The following NLRP10 variants were observed in gnomAD, a reference collection of about 807,000 sequenced individuals.
The protein encoded by NLRP10 is NACHT, LRR and PYD domains-containing protein 10.
NLRP10 carries 7 observed loss-of-function variants against 8.2 expected under a neutral mutation model. The ratio of observed to expected loss-of-function variants is 0.85; its 90% confidence interval spans 0.48 to 1.60. NLRP10 has a LOEUF of 1.60. Among genes scored for constraint, NLRP10 ranks in the 40% most tolerant of loss-of-function variants. The probability of loss-of-function intolerance (pLI) is 0.00; values close to 1 mark genes in which losing one functional copy is unlikely to be tolerated. For missense variants in NLRP10, 814 were observed against 776.3 expected (o/e 1.05, Z -0.58); for synonymous variants, 338 against 314.0 (o/e 1.08, Z -0.81).
At chr11:7,962,700 C>A (rs1941752281) in intron 2 of NLRP10, among the ~76,000 whole-genome samples, 1 of 151,960 alleles carries the variant, frequency 6.6e-6, no homozygotes, top group Non-Finnish European at 1.5e-5. Context: ...CCAAAAGATC[C>A]CTCCCTCCCC....
intron 2 of NLRP10, among the ~76,000 whole-genome samples, chr11:7,962,029 C>T (rs1038791922): frequency 6.6e-6 from 1 of 152,128 alleles, no homozygotes; most frequent in Non-Finnish European, 1.5e-5. Flanking sequence ...TCCTCCCTCT[C>T]TTGCCATGTG....
chr11:7,965,376 C>G lies in NLRP10; in HGVS notation c.-176G>C, dbSNP rs1458002780. 1.3e-5 allele frequency: 2 copies of G among 152,172 alleles called. No individual in the cohort carries two copies. The highest frequency in any genetic ancestry group is 2.9e-5 in the Non-Finnish European group (2 of 68,046). The allele number at this position is 152,172 out of a possible 1,614,324, so 9.4% of individuals were successfully genotyped here. A position where few individuals can be genotyped will look rare whatever the true frequency, so the allele number is the denominator to read the frequency against. ...TTCCTGGTCCGACAGCTCTACAGGT[C>G]CAAGTTTGGGCTCTCTTAGCCCATA... On this transcript the variant is annotated 5_prime_UTR_variant, in exon 1 of 3. Coordinates refer to ENST00000691676, the MANE Select transcript of NLRP10 (RefSeq NM_001391958.1).
chr11:7,963,558 AGGAGAG>A lies in NLRP10; in HGVS notation c.-45-24_-45-19del. 1 of 1,486,958 alleles carries A rather than the reference AGGAGAG, an allele frequency of 6.7e-7. No homozygotes were observed. Among genetic ancestry groups the A allele is most frequent in the Non-Finnish European group, 9.1e-7 (1 of 1,098,636 alleles). 92.1% of individuals were successfully genotyped at this position (1,486,958 alleles called of 1,614,324 possible). ...CCAGTGACCTGGAGAAAGAGGCAAA[AGGAGAG>A]GTCCACTGCTGAGAGGCCCACCCTG... On this transcript the variant is annotated intron_variant, in intron 1 of 2. Coordinates refer to ENST00000691676, the MANE Select transcript of NLRP10 (RefSeq NM_001391958.1).
In NLRP10 at chr11:7,960,601, G is replaced by A. The variant is rs1254230003; in HGVS notation, c.1011C>T (p.Ala337=). Residue 337 remains alanine, a synonymous_variant, in exon 3 of 3, where the codon GCC becomes GCT. Transcript: ENST00000691676. ...TGTCATTTTTCTGTACAATGTCGAA[G>A]GCACGGTCAGCTTGCTTCTCATCCG... ...YFTDEKQADR[A]FDIVQKNDIL... is the part of the protein sequence containing the mutation. 1.2e-6 allele frequency: 2 copies of A among 1,614,144 alleles called. No individual in the cohort carries two copies. Among genetic ancestry groups the A allele is most frequent in the African/African-American group, 1.3e-5 (1 of 75,018 alleles).
In NLRP10 at chr11:7,962,231, C is replaced by CTT. The variant is rs71452435; in HGVS notation, c.290-911_290-910dup. Among the ~76,000 whole-genome samples, 94 of 66,984 alleles carry CTT rather than the reference C, an allele frequency of 1.4e-3. 12 individuals carry two copies. The highest frequency in any genetic ancestry group is 3.0e-3 in the Admixed American group (11 of 3,686). 43.9% of individuals were successfully genotyped at this position (66,984 alleles called of 152,430 possible). On this transcript the variant is annotated intron_variant, in intron 2 of 2. Transcript: ENST00000691676. ...CCAAAGGGACTAAGATAAGCCTGTTCTTTTTTTTTTTTTTTTTTTTTTGAG... is the reference window on the plus strand; with the variant it reads ...CCAAAGGGACTAAGATAAGCCTGTTCTTTTTTTTTTTTTTTTTTTTTTTTGAG...
rs1189324356 is a variant in NLRP10 at position 7,960,274 on chromosome 11, G to A, written c.1338C>T (p.Phe446=). ...CCAATTGGTAGTCGTTACTACTCAG[G>A]AAAGCGGCAAGCCTGGGGCCATCTA... ...HNLDGPRLAA[F]LSSNDYQLGL... The change falls in exon 3 of 3, where the codon TTC becomes TTT. Residue 446 remains phenylalanine, a synonymous_variant. Transcript: ENST00000691676. 1.2e-6 allele frequency: 2 copies of A among 1,614,028 alleles called. No homozygotes were observed. The highest frequency in any genetic ancestry group is 1.1e-5 in the South Asian group (1 of 91,082).
intron 2 of NLRP10, among the ~76,000 whole-genome samples, chr11:7,961,546 T>C (rs1941730775): frequency 6.6e-6 from 1 of 152,200 alleles, no homozygotes; most frequent in Admixed American, 6.5e-5. Context: ...TGCAAGGGTG[T>C]GCTCTGTGTG....
At chr11:7,961,830 C>T (rs185136322) in intron 2 of NLRP10, among the ~76,000 whole-genome samples, 1,713 of 152,282 alleles carry the variant, frequency 0.011, 22 homozygotes, top group Non-Finnish European at 0.018. Flanking sequence ...TGTTTATCCC[C>T]TCCAAATTTC....
rs747431818 is a variant in NLRP10 at position 7,960,682 on chromosome 11, G to A, written c.930C>T (p.Val310=). The A allele has an allele frequency of 2.5e-6, 4 of 1,614,094 alleles. No homozygotes were observed. The African/African-American group carries it at 5.3e-5, about 22-fold the overall frequency. ...LEPLLKQARH[V]HILGFSEEER... is the part of the protein sequence containing the mutation. ...CCTCCTCAGAGAAGCCTAGGATATG[G>A]ACATGACGTGCTTGTTTCAGCAAGG... is the stretch of plus-strand genomic sequence containing the variant. The change falls in exon 3 of 3, where the codon GTC becomes GTT. Residue 310 remains valine, a synonymous_variant. Transcript: ENST00000691676.
intron 2 of NLRP10, among the ~76,000 whole-genome samples, chr11:7,962,190 T>C (rs1941742258): frequency 6.7e-6 from 1 of 149,552 alleles, no homozygotes. Flanking sequence ...GTCTCAGGTA[T>C]TGCTTTATAG....
At chr11:7,964,142 G>A (rs895293176) in intron 1 of NLRP10, among the ~76,000 whole-genome samples, 20 of 152,080 alleles carry the variant, frequency 1.3e-4, no homozygotes, top group Non-Finnish European at 1.5e-5. Context: ...GGCTAGACTC[G>A]ATCTCCTGAC....
rs144948801 is a variant in NLRP10 at position 7,960,043 on chromosome 11, T to A, written c.1569A>T (p.Lys523Asn). The A allele has an allele frequency of 2.0e-5, 32 of 1,614,092 alleles. 1 individual carries two copies. In the African/African-American group the frequency reaches 4.0e-4, roughly 20 times the overall value. The change falls in exon 3 of 3, where the codon AAA (lysine) becomes AAT (asparagine). Residue 523 changes from lysine (K) to asparagine (N), a missense_variant. Physicochemically the swap from Lys to Asn is moderately conservative, Grantham distance 94 (BLOSUM62 0). Transcript: ENST00000691676. ...TGAGCTCCAAGTTCGAGAAGCTGTC[T>A]TTTTTCGAGATGTCCAGTAAAAACT... ...TMQFLLDISK[K>N]DSFSNLELKF...
In NLRP10 at chr11:7,960,488, A is replaced by G. The variant is rs1422342897; in HGVS notation, c.1124T>C (p.Leu375Ser). The G allele has an allele frequency of 1.9e-6, 3 of 1,614,114 alleles. No individual in the cohort carries two copies. The highest frequency in any genetic ancestry group is 2.7e-5 in the African/African-American group (2 of 75,012). The change falls in exon 3 of 3, where the codon TTA (leucine) becomes TCA (serine). Residue 375 changes from leucine (L) to serine (S), a missense_variant. By Grantham distance (145) the Leu-to-Ser change is moderately radical. Transcript: ENST00000691676. Reference protein sequence around the residue: ...QGQMERGKVVLETPRNSTDIF... With the variant: ...QGQMERGKVVSETPRNSTDIF... ...GTCAGTGCTGTTTCTAGGTGTCTCT[A>G]AGACAACTTTGCCTCTCTCCATCTG...
Position 7,963,330 on chromosome 11 carries a change from C to G in NLRP10, c.166G>C (p.Asp56His). Residue 56 changes from aspartate (D) to histidine (H), a missense_variant, in exon 2 of 3, where the codon GAC becomes CAC. Asp to His is a moderately conservative substitution (Grantham distance 81, BLOSUM62 -1). Transcript: ENST00000691676. ...RGELEGLIPVDLAELLISKYG... is the reference protein window; with the variant it reads ...RGELEGLIPVHLAELLISKYG... ...TTTGAAATCAGTAATTCTGCCAGGT[C>G]CACCGGAATCAGGCCCTCCAACTCC... 6.2e-7 allele frequency: 1 copy of G among 1,614,222 alleles called. No individual in the cohort carries two copies. The highest frequency in any genetic ancestry group is 8.5e-7 in the Non-Finnish European group (1 of 1,180,032).
intron 2 of NLRP10, 82 bp downstream of exon 2, chr11:7,963,118 GTACAGGC>G: frequency 7.6e-7 from 1 of 1,321,868 alleles, no homozygotes; most frequent in South Asian, 1.3e-5. Context: ...AAGGCATAAG[GTACAGGC>G]TACAGGCAGC....
Position 7,958,756 on chromosome 11 carries a change from G to C in NLRP10, c.*888C>G, listed in dbSNP as rs1941663926. Among the ~76,000 whole-genome samples, 1 of 152,096 alleles carries C rather than the reference G, an allele frequency of 6.6e-6. No homozygotes were observed. On this transcript the variant is annotated 3_prime_UTR_variant, in exon 3 of 3. Transcript: ENST00000691676. Reference sequence around the variant, plus strand: ...GTAAAGACGGGGTTTCACCACATTGGCCAGGATGGTCTCGGTCTCTTGACC... The same window carrying C: ...GTAAAGACGGGGTTTCACCACATTGCCCAGGATGGTCTCGGTCTCTTGACC...
rs1255101712 is a variant in NLRP10 at position 7,963,199 on chromosome 11, A to G, written c.289+8T>C. 1.9e-6 allele frequency: 3 copies of G among 1,613,050 alleles called. No homozygotes were observed. The highest frequency in any genetic ancestry group is 1.7e-6 in the Non-Finnish European group (2 of 1,179,286). On this transcript the variant is annotated splice_region_variant and intron_variant, in intron 2 of 2. Coordinates refer to ENST00000691676, the MANE Select transcript of NLRP10 (RefSeq NM_001391958.1). ...TCCTGCCCTCCCCTTCCCCCGCTCC[A>G]CACTCACCATGCAGACAAATATGGC...
At chr11:7,963,754 G>T in intron 1 of NLRP10, 1 of 546,912 alleles carries the variant, frequency 1.8e-6, no homozygotes. Context: ...AAATGGGTAG[G>T]AAGGTATGTA....
chr11:7,958,739 G>A lies in NLRP10; in HGVS notation c.*905C>T, dbSNP rs1348291694. ...TAACTTTCGTATTTTTAGTAAAGAC[G>A]GGGTTTCACCACATTGGCCAGGATG... On this transcript the variant is annotated 3_prime_UTR_variant, in exon 3 of 3. Transcript: ENST00000691676. Among the ~76,000 whole-genome samples the A allele has an allele frequency of 2.6e-5, 4 of 152,184 alleles. No individual in the cohort carries two copies. In the South Asian group the frequency reaches 6.2e-4, roughly 24 times the overall value.
Sources: gnomAD v4.1 joint callset for allele counts (sites outside exome capture counted in the v4.1 genomes callset) on GRCh38, gnomAD v4.1.1 for gene constraint, MANE v1.5 for transcripts, NCBI Gene and HGNC (gene_info 2026-07-23, HGNC 2026-07-21) for gene names.